The following LRBA variants were observed in gnomAD, a reference collection of about 807,000 sequenced individuals.
LRBA encodes the protein lipopolysaccharide-responsive and beige-like anchor protein.
LRBA carries 176 observed loss-of-function variants against 330.0 expected under a neutral mutation model. That is an observed-to-expected ratio of 0.53 (90% CI 0.47 to 0.60). The LOEUF is 0.60. Among genes scored for constraint, LRBA ranks in the 20% least tolerant of loss-of-function variants. The probability of loss-of-function intolerance (pLI) is 0.00; values close to 1 mark genes in which losing one functional copy is unlikely to be tolerated. For missense variants in LRBA, 3,259 were observed against 3,444.8 expected, an observed-to-expected ratio of 0.95 and a Z score of 1.35; for synonymous variants, 1,230 against 1,193.0, an observed-to-expected ratio of 1.03 and a Z score of -0.64.
intron 56 of LRBA, among the ~76,000 whole-genome samples, chr4:150,272,880 C>T (rs1459076171): frequency 6.6e-6 from 1 of 152,106 alleles, no homozygotes; most frequent in Non-Finnish European, 1.5e-5. Flanking sequence ...AGTTGGAAAA[C>T]ACTCTGCAGG....
intron 44 of LRBA, among the ~76,000 whole-genome samples, chr4:150,448,031 T>G (rs1411690607): frequency 6.6e-6 from 1 of 152,174 alleles, no homozygotes; most frequent in Non-Finnish European, 1.5e-5. Flanking sequence ...AAATGGGTAA[T>G]TTCATATTTA....
intron 44 of LRBA, among the ~76,000 whole-genome samples, chr4:150,447,699 AC>A (rs1752786062): frequency 6.6e-6 from 1 of 152,212 alleles, no homozygotes; most frequent in South Asian, 2.1e-4. Flanking sequence ...TCAAGATACC[AC>A]ATCAAGAGGA....
intron 34 of LRBA, among the ~76,000 whole-genome samples, chr4:150,792,449 C>T (rs1470786624): frequency 6.6e-6 from 1 of 152,154 alleles, no homozygotes; most frequent in Non-Finnish European, 1.5e-5. Flanking sequence ...GAACAGTACA[C>T]TTAAAATGTG....
chr4:150,811,865 A>T (rs1743788550), intron 31 of LRBA, among the ~76,000 whole-genome samples: 1 of 152,214 alleles, frequency 6.6e-6, no homozygotes. Context: ...GAAAAAGAAA[A>T]GCAACATTGT....
At chr4:150,421,369 T>A (rs567120021) in intron 46 of LRBA, among the ~76,000 whole-genome samples, 1 of 147,406 alleles carries the variant, frequency 6.8e-6, no homozygotes, top group East Asian at 2.0e-4. Context: ...TATATACACA[T>A]ACACAAAATG....
At chr4:150,810,792 G>A (rs1259166865) in intron 31 of LRBA, among the ~76,000 whole-genome samples, 2 of 152,024 alleles carry the variant, frequency 1.3e-5, no homozygotes, top group Admixed American at 6.6e-5. Flanking sequence ...TGTAGAGACA[G>A]GGTCTCATTA....
At chr4:150,325,394 T>C (rs997009693) in intron 49 of LRBA, among the ~76,000 whole-genome samples, 1 of 152,210 alleles carries the variant, frequency 6.6e-6, no homozygotes, top group African/African-American at 2.4e-5. Flanking sequence ...CAATATCTTA[T>C]GTATTAGAAT....
At chr4:150,846,476 G>A (rs1339265412) in intron 26 of LRBA, among the ~76,000 whole-genome samples, 2 of 151,048 alleles carry the variant, frequency 1.3e-5, no homozygotes, top group Non-Finnish European at 2.9e-5. Context: ...GTTGCAGTGA[G>A]CCCAGATCTT....
intron 56 of LRBA, among the ~76,000 whole-genome samples, 155 bp from the exon 57 acceptor site, chr4:150,265,967 G>A (rs1745262436): frequency 6.6e-6 from 1 of 152,202 alleles, no homozygotes; most frequent in South Asian, 2.1e-4. Flanking sequence ...TGACTAAAAT[G>A]TATCCCTGAG....
intron 46 of LRBA, among the ~76,000 whole-genome samples, chr4:150,431,233 A>T (rs1487840008): frequency 6.6e-6 from 1 of 152,272 alleles, no homozygotes; most frequent in Non-Finnish European, 1.5e-5. Flanking sequence ...AATATTATTT[A>T]TCACAGTGAT....
In LRBA at chr4:150,978,435, A is replaced by G. The variant is rs189768633; in HGVS notation, c.216+35992T>C. Reference sequence around the variant, plus strand: ...TTCCCAAGACAGATGGGCACAAATAAGCCCAGACTGTGAAGACTATAATAA... The same window carrying G: ...TTCCCAAGACAGATGGGCACAAATAGGCCCAGACTGTGAAGACTATAATAA... On this transcript the variant is annotated intron_variant, in intron 2 of 56. Transcript: ENST00000651943. Among the ~76,000 whole-genome samples the G allele has an allele frequency of 3.7e-3, 571 of 152,332 alleles. 3 individuals carry two copies. Among genetic ancestry groups the G allele is most frequent in the Non-Finnish European group, 5.9e-3 (400 of 68,038 alleles).
chr4:150,653,814 C>A (rs1318636900), intron 37 of LRBA, among the ~76,000 whole-genome samples: 2 of 152,124 alleles, frequency 1.3e-5, no homozygotes, highest in Non-Finnish European at 2.9e-5. Flanking sequence ...ATTTGCTTTA[C>A]ACTATAGGGT....
intron 48 of LRBA, among the ~76,000 whole-genome samples, chr4:150,344,564 A>G (rs1736019869): frequency 6.6e-6 from 1 of 152,172 alleles, no homozygotes; most frequent in Non-Finnish European, 1.5e-5. Context: ...GATGCAGTTA[A>G]AAGTATTATT....
intron 17 of LRBA, among the ~76,000 whole-genome samples, chr4:150,874,949 G>A (rs1445362788): frequency 6.6e-6 from 1 of 152,170 alleles, no homozygotes; most frequent in African/African-American, 2.4e-5. Context: ...GGTCCTCTAT[G>A]CTTCATGCTC....
intron 15 of LRBA, 69 bp from the exon 16 acceptor site, chr4:150,896,525 T>C: frequency 5.0e-6 from 4 of 797,714 alleles, no homozygotes; most frequent in Admixed American, 4.8e-5. Context: ...ATTATACACA[T>C]AGATTTGTCA....
intron 36 of LRBA, among the ~76,000 whole-genome samples, chr4:150,733,740 T>C (rs995324058): frequency 3.3e-5 from 5 of 152,140 alleles, no homozygotes; most frequent in African/African-American, 4.8e-5. Context: ...GTTTTTGTCA[T>C]ATTTATGAAT....
At chr4:150,778,339 G>A (rs1737712251) in intron 34 of LRBA, among the ~76,000 whole-genome samples, 1 of 152,074 alleles carries the variant, frequency 6.6e-6, no homozygotes, top group Non-Finnish European at 1.5e-5. Flanking sequence ...TAAAGAGAAA[G>A]TAACTATTCA....
intron 44 of LRBA, among the ~76,000 whole-genome samples, chr4:150,450,479 C>G (rs558342850): frequency 5.4e-4 from 82 of 152,152 alleles, no homozygotes; most frequent in Non-Finnish European, 9.7e-4. Flanking sequence ...ACTCTAATAT[C>G]TCCTTCCATC....
At chr4:150,849,039 GA>G (rs34509882) in intron 25 of LRBA, 41 bp from the exon 26 acceptor site, 52 of 1,364,230 alleles carry the variant, frequency 3.8e-5, no homozygotes, top group Middle Eastern at 2.6e-4. Flanking sequence ...TATATATTCT[GA>G]AAAAAAAATT....
Sources: gnomAD v4.1 joint callset for allele counts (sites outside exome capture counted in the v4.1 genomes callset) on GRCh38, gnomAD v4.1.1 for gene constraint, MANE v1.5 for transcripts, NCBI Gene and HGNC (gene_info 2026-07-23, HGNC 2026-07-21) for gene names.